The following GLIS3 variants were observed in gnomAD, a reference collection of about 807,000 sequenced individuals.
GLIS3 encodes the protein GLIS family zinc finger 3.
In GLIS3, 53 loss-of-function variants were observed where a neutral mutation model predicts 78.6. The ratio of observed to expected loss-of-function variants is 0.67; its 90% CI spans 0.54 to 0.85. The LOEUF (loss-of-function observed/expected upper bound fraction) is 0.85, where lower values mean the gene tolerates loss of function less well. GLIS3 is among the 40% of genes least tolerant of loss of function. The pLI is 0.00. For synonymous variants in GLIS3, 684 were observed against 509.9 expected, an observed-to-expected ratio of 1.34 and a Z score of -4.60; for missense variants, 1,703 against 1,231.1, an observed-to-expected ratio of 1.38 and a Z score of -5.74.
intron 4 of GLIS3, among the ~76,000 whole-genome samples, chr9:3,966,035 C>T (rs898064029): frequency 6.6e-6 from 1 of 152,200 alleles, no homozygotes; most frequent in African/African-American, 2.4e-5. Context: ...TGATAATTTT[C>T]ATTTCAACAG....
At chr9:4,094,466 A>G (rs188342437) in intron 4 of GLIS3, among the ~76,000 whole-genome samples, 1 of 152,366 alleles carries the variant, frequency 6.6e-6, no homozygotes, top group Non-Finnish European at 1.5e-5. Flanking sequence ...TGCCAGTGCT[A>G]TAAAGGTCAA....
chr9:4,385,843 C>A, the GLIS3 span, among the ~76,000 whole-genome samples: 1 of 150,808 alleles, frequency 6.6e-6, no homozygotes, highest in South Asian at 2.1e-4. Context: ...GAAAAAATGC[C>A]GTTCTTTTTC....
chr9:4,254,761 G>C (rs1043128963), intron 2 of GLIS3, among the ~76,000 whole-genome samples: 1 of 151,362 alleles, frequency 6.6e-6, no homozygotes, highest in Non-Finnish European at 1.5e-5. Context: ...AATTGCTTGA[G>C]CCTGGGAAGC....
At position 3,825,621 on chromosome 9, in the gene GLIS3, ACTG is replaced by A. The variant is rs1817685306; in HGVS notation, c.*2648_*2650del. On this transcript the variant is annotated 3_prime_UTR_variant, in exon 11 of 11. Coordinates refer to ENST00000381971, the MANE Select transcript of GLIS3 (RefSeq NM_001042413.2). ...TGATTTTTTTGAAGTTTCCACTTGT[ACTG>A]CTGCAAAAATAATGATGAATATATA... 3 of 152,234 alleles carry A rather than the reference ACTG, an allele frequency of 2.0e-5. No homozygotes were observed. Among genetic ancestry groups the A allele is most frequent in the Non-Finnish European group, 4.4e-5 (3 of 68,042 alleles). 9.4% of individuals were successfully genotyped at this position (152,234 alleles called of 1,614,324 possible).
intron 4 of GLIS3, among the ~76,000 whole-genome samples, chr9:3,956,029 A>C (rs5016881): frequency 0.01 from 339 of 32,432 alleles, 1 homozygote; most frequent in East Asian, 0.019. Context: ...CAGATTCAGC[A>C]AAAAAAAAAA....
At chr9:4,058,783 A>G (rs2130539693) in intron 4 of GLIS3, among the ~76,000 whole-genome samples, 1 of 152,248 alleles carries the variant, frequency 6.6e-6, no homozygotes, top group Non-Finnish European at 1.5e-5. Flanking sequence ...GATCGAGACC[A>G]TCCTGGCTAA....
chr9:4,226,946 G>A (rs1002077212), intron 2 of GLIS3, among the ~76,000 whole-genome samples: 2 of 152,166 alleles, frequency 1.3e-5, no homozygotes, highest in African/African-American at 2.4e-5. Flanking sequence ...TGCTTAAGAG[G>A]TGCATAGCTG....
At chr9:4,284,880 C>A (rs1827853455) in intron 2 of GLIS3, among the ~76,000 whole-genome samples, 1 of 152,128 alleles carries the variant, frequency 6.6e-6, no homozygotes, top group Non-Finnish European at 1.5e-5. Flanking sequence ...GATCATGCCA[C>A]TGTACTCCAG....
intron 2 of GLIS3, among the ~76,000 whole-genome samples, chr9:4,190,989 A>AT (rs1280615540): frequency 6.6e-6 from 1 of 152,070 alleles, no homozygotes; most frequent in Non-Finnish European, 1.5e-5. Context: ...ATGCTGAGAG[A>AT]TTTTGTCACC....
upstream of GLIS3, among the ~76,000 whole-genome samples, chr9:4,349,358 T>A (rs977696448): frequency 1.3e-5 from 2 of 152,232 alleles, no homozygotes; most frequent in Non-Finnish European, 2.9e-5. Flanking sequence ...TCTAAATGCT[T>A]TATAATAGTA....
intron 1 of GLIS3, among the ~76,000 whole-genome samples, chr9:4,290,978 A>G (rs1023138964): frequency 1.3e-5 from 2 of 152,116 alleles, no homozygotes; most frequent in Non-Finnish European, 2.9e-5. Context: ...GTGGTTCCAT[A>G]ATTTTATGCA....
chr9:4,016,849 A>G (rs1051207231), intron 4 of GLIS3, among the ~76,000 whole-genome samples: 2 of 152,186 alleles, frequency 1.3e-5, no homozygotes, highest in Non-Finnish European at 2.9e-5. Flanking sequence ...CAGCTGGCAT[A>G]TGATCAGATG....
chr9:4,194,325 G>C (rs1210674151), intron 2 of GLIS3, among the ~76,000 whole-genome samples: 1 of 152,172 alleles, frequency 6.6e-6, no homozygotes, highest in Non-Finnish European at 1.5e-5. Flanking sequence ...CTCCCAAAGT[G>C]CTAGGATTAC....
chr9:4,416,448 A>G, the GLIS3 span, among the ~76,000 whole-genome samples: 1 of 152,066 alleles, frequency 6.6e-6, no homozygotes, highest in Non-Finnish European at 1.5e-5. Flanking sequence ...AACGTTAGGA[A>G]TATTGACAAG....
chr9:3,916,185 T>C (rs1187139964), intron 6 of GLIS3, among the ~76,000 whole-genome samples: 1 of 152,204 alleles, frequency 6.6e-6, no homozygotes, highest in East Asian at 1.9e-4. Flanking sequence ...AGAAAGCACA[T>C]GCCTTTGTGA....
intron 2 of GLIS3, among the ~76,000 whole-genome samples, chr9:4,239,410 CTA>C (rs1392760832): frequency 1.3e-5 from 2 of 151,364 alleles, no homozygotes; most frequent in Admixed American, 1.3e-4. Flanking sequence ...AGTTGTTAGA[CTA>C]CTGTATTCGT....
intron 4 of GLIS3, among the ~76,000 whole-genome samples, chr9:3,958,067 A>C (rs569316997): frequency 2.6e-5 from 4 of 152,316 alleles, no homozygotes; most frequent in African/African-American, 9.6e-5. Context: ...ATCCTAACCC[A>C]TGACTGACTT....
Position 4,340,110 on chromosome 9 carries a change from C to T in GLIS3, n.264+6971G>A, listed in dbSNP as rs904287175. On this transcript the variant is annotated intron_variant and non_coding_transcript_variant, in intron 2 of 4. Transcript: ENST00000471664. ...TTGGCTTAGCATGAGGTTGATATTCCCCTAGAATCTCTGGATCTATTCCCT... is the reference window on the plus strand; with the variant it reads ...TTGGCTTAGCATGAGGTTGATATTCTCCTAGAATCTCTGGATCTATTCCCT... 2.6e-5 allele frequency among the ~76,000 whole-genome samples: 4 copies of T among 151,516 alleles called. No individual in the cohort carries two copies. In the South Asian group the frequency reaches 6.3e-4, roughly 24 times the overall value.
At chr9:4,223,405 C>T (rs539363140) in intron 2 of GLIS3, among the ~76,000 whole-genome samples, 5 of 152,144 alleles carry the variant, frequency 3.3e-5, no homozygotes, top group Admixed American at 2.0e-4. Flanking sequence ...GTTAAGTGTG[C>T]CTCCCTCAAA....
Sources: gnomAD v4.1 joint callset for allele counts (sites outside exome capture counted in the v4.1 genomes callset) on GRCh38, gnomAD v4.1.1 for gene constraint, MANE v1.5 for transcripts, NCBI Gene and HGNC (gene_info 2026-07-23, HGNC 2026-07-21) for gene names.